The following PALM2AKAP2 variants were observed in gnomAD, a reference collection of about 807,000 sequenced individuals.
The protein encoded by PALM2AKAP2 is PALM2-AKAP2 fusion protein.
PALM2AKAP2 carries 37 observed loss-of-function variants against 71.5 expected under a neutral mutation model. The ratio of observed to expected loss-of-function variants is 0.52; its 90% CI spans 0.40 to 0.68. The LOEUF is 0.68. Ranked by LOEUF, PALM2AKAP2 falls within the 30% of genes least tolerant of loss-of-function variation. The pLI is 0.00. For missense variants in PALM2AKAP2, 1,224 were observed against 1,191.8 expected, an observed-to-expected ratio of 1.03 and a Z score of -0.40; for synonymous variants, 468 against 478.8, an observed-to-expected ratio of 0.98 and a Z score of 0.29.
intron 3 of PALM2AKAP2, among the ~76,000 whole-genome samples, chr9:109,901,700 C>A (rs1830335013): frequency 6.6e-6 from 1 of 152,102 alleles, no homozygotes; most frequent in Non-Finnish European, 1.5e-5. Flanking sequence ...GATGCTGGTT[C>A]AATGTCACAA....
intron 5 of PALM2AKAP2, among the ~76,000 whole-genome samples, chr9:109,926,533 A>G (rs1830960457): frequency 3.3e-5 from 5 of 152,132 alleles, no homozygotes; most frequent in Admixed American, 2.6e-4. Flanking sequence ...TTGTGGGTAC[A>G]GCATGGGGAG....
At chr9:109,917,394 T>G (rs1221181964) in intron 3 of PALM2AKAP2, among the ~76,000 whole-genome samples, 2 of 152,068 alleles carry the variant, frequency 1.3e-5, no homozygotes, top group Non-Finnish European at 1.5e-5. Flanking sequence ...ATAGCAGGAA[T>G]TGGAAACGAA....
intron 6 of PALM2AKAP2, among the ~76,000 whole-genome samples, chr9:109,970,956 A>T (rs536742167): frequency 3.3e-5 from 5 of 151,320 alleles, no homozygotes; most frequent in East Asian, 3.9e-4. Flanking sequence ...AAAAAAATTT[A>T]AAAAATTATC....
intron 1 of PALM2AKAP2, among the ~76,000 whole-genome samples, chr9:109,841,244 T>C (rs1042575973): frequency 2.6e-5 from 4 of 151,444 alleles, no homozygotes; most frequent in African/African-American, 4.9e-5. Flanking sequence ...GAAACCATCA[T>C]TCTCAGCAAA....
intron 1 of PALM2AKAP2, among the ~76,000 whole-genome samples, chr9:110,104,269 G>T (rs1835066452): frequency 6.6e-6 from 1 of 152,108 alleles, no homozygotes; most frequent in Non-Finnish European, 1.5e-5. Flanking sequence ...GATTTCAGAT[G>T]TTTAGCCCCA....
intron 1 of PALM2AKAP2, among the ~76,000 whole-genome samples, chr9:109,758,839 C>T (rs1829007260): frequency 6.6e-6 from 1 of 151,962 alleles, no homozygotes; most frequent in South Asian, 2.1e-4. Context: ...CTCATGTTGG[C>T]TCTTTTGTTC....
At chr9:109,801,109 A>G (rs1344871862) in intron 1 of PALM2AKAP2, among the ~76,000 whole-genome samples, 2 of 152,350 alleles carry the variant, frequency 1.3e-5, no homozygotes, top group East Asian at 3.9e-4. Context: ...TGGGGGTTGC[A>G]TACATACACA....
At chr9:110,097,165 T>C (rs1834867149) in intron 1 of PALM2AKAP2, among the ~76,000 whole-genome samples, 1 of 151,150 alleles carries the variant, frequency 6.6e-6, no homozygotes, top group Admixed American at 6.6e-5. Flanking sequence ...TTAACCAGCA[T>C]GCTGCCTTCA....
rs570635365 is a variant in PALM2AKAP2 at position 109,750,864 on chromosome 9, T to C, written c.6-29624T>C. On this transcript the variant is annotated intron_variant, in intron 1 of 6. Coordinates refer to the PALM2AKAP2 transcript ENST00000374531. Reference sequence around the variant, plus strand: ...GGTCACTAATTTGCAATTTCTGTTCTACAGCATCTTCCAGATCTTTATGGT... The same window carrying C: ...GGTCACTAATTTGCAATTTCTGTTCCACAGCATCTTCCAGATCTTTATGGT... 2.6e-5 allele frequency among the ~76,000 whole-genome samples: 4 copies of C among 152,316 alleles called. No individual in the cohort carries two copies. The East Asian group carries it at 7.7e-4, about 29-fold the overall frequency.
intron 1 of PALM2AKAP2, among the ~76,000 whole-genome samples, chr9:110,096,966 T>A (rs926237309): frequency 1.4e-5 from 2 of 145,644 alleles, no homozygotes; most frequent in Admixed American, 6.9e-5. Context: ...ATTTATTATT[T>A]TTTTTATTGA....
intron 2 of PALM2AKAP2, among the ~76,000 whole-genome samples, chr9:110,150,000 C>G (rs1430084379): frequency 6.6e-6 from 1 of 152,206 alleles, no homozygotes; most frequent in African/African-American, 2.4e-5. Context: ...AATTCGTATA[C>G]TGAAGTCTTA....
rs552746839 is a variant in PALM2AKAP2 at position 109,891,577 on chromosome 9, C to A, written c.257+10896C>A. On this transcript the variant is annotated intron_variant, in intron 3 of 9. Transcript: ENST00000302798. Reference sequence around the variant, plus strand: ...ATCTCAGCTCACTGCAACCTCCCATCTCCTGGATTCAAGCGATTCTCTCCT... The same window carrying A: ...ATCTCAGCTCACTGCAACCTCCCATATCCTGGATTCAAGCGATTCTCTCCT... Among the ~76,000 whole-genome samples, 7 of 152,268 alleles carry A rather than the reference C, an allele frequency of 4.6e-5. No individual in the cohort carries two copies. In the East Asian group the frequency reaches 1.3e-3, roughly 29 times the overall value.
intron 2 of PALM2AKAP2, among the ~76,000 whole-genome samples, chr9:109,872,075 A>G (rs1204692932): frequency 6.6e-6 from 1 of 152,148 alleles, no homozygotes; most frequent in African/African-American, 2.4e-5. Context: ...TGAGTCTACC[A>G]TTTATGGATT....
intron 5 of PALM2AKAP2, among the ~76,000 whole-genome samples, chr9:109,931,182 G>A (rs763843478): frequency 3.3e-5 from 5 of 152,168 alleles, no homozygotes; most frequent in Non-Finnish European, 7.3e-5. Context: ...ACCTTGGCAT[G>A]CTTGCTAATG....
At chr9:109,956,357 T>A (rs892660544) in intron 6 of PALM2AKAP2, among the ~76,000 whole-genome samples, 2 of 152,100 alleles carry the variant, frequency 1.3e-5, no homozygotes, top group Non-Finnish European at 2.9e-5. Context: ...AAAAAAAATA[T>A]TTCCAAGTCA....
chr9:109,895,923 C>T (rs1333068942), intron 3 of PALM2AKAP2, among the ~76,000 whole-genome samples: 1 of 152,140 alleles, frequency 6.6e-6, no homozygotes, highest in Non-Finnish European at 1.5e-5. Context: ...GTGATTCATG[C>T]CTGTAATCCC....
At chr9:110,020,550 A>T (rs751043209) in intron 7 of PALM2AKAP2, among the ~76,000 whole-genome samples, 6 of 151,914 alleles carry the variant, frequency 3.9e-5, no homozygotes, top group Non-Finnish European at 8.8e-5. Flanking sequence ...GGGCGTGGTG[A>T]TGCATGCCTG....
chr9:109,993,083 A>G (rs1011790687), intron 6 of PALM2AKAP2, among the ~76,000 whole-genome samples: 2 of 151,420 alleles, frequency 1.3e-5, no homozygotes, highest in African/African-American at 4.9e-5. Flanking sequence ...AAGAACATCA[A>G]TGAAGATCCC....
rs148878396 is a variant in PALM2AKAP2, at chr9:110,165,167, T to C, written c.2749-3232T>C. On this transcript the variant is annotated intron_variant, in intron 3 of 3. Coordinates refer to ENST00000374525, the Ensembl canonical transcript of PALM2AKAP2. Reference sequence around the variant, plus strand: ...CGTACTTAGGACATGAGTATGACATTATTAGAGCCCCAGAGACATATGCCT... The same window carrying C: ...CGTACTTAGGACATGAGTATGACATCATTAGAGCCCCAGAGACATATGCCT... Among the ~76,000 whole-genome samples, 79 of 152,210 alleles carry C rather than the reference T, an allele frequency of 5.2e-4. 1 individual carries two copies. Among genetic ancestry groups the C allele is most frequent in the African/African-American group, 1.8e-3 (73 of 41,524 alleles).
Sources: allele counts gnomAD v4.1 joint callset (sites outside exome capture counted in the v4.1 genomes callset), GRCh38; gene constraint gnomAD v4.1.1; transcripts MANE v1.5; gene names NCBI Gene and HGNC (gene_info 2026-07-23, HGNC 2026-07-21).